Variants in STAT3 observed in about 807,000 individuals in gnomAD.
STAT3 encodes DNA-binding protein APRF.
Under a neutral mutation model 114.3 loss-of-function variants are expected in STAT3, and 7 were observed. The ratio of observed to expected loss-of-function variants is 0.06; its 90% CI spans 0.03 to 0.11. The LOEUF (loss-of-function observed/expected upper bound fraction) is 0.11, where lower values mean the gene tolerates loss of function less well. Among genes scored for constraint, STAT3 ranks in the 10% least tolerant of loss-of-function variants. The pLI is 1.00. For synonymous variants in STAT3, 331 were observed against 354.5 expected (o/e 0.93, Z 0.74); for missense variants, 364 against 960.9 (o/e 0.38, Z 8.21).
intron 4 of STAT3, among the ~76,000 whole-genome samples, chr17:42,340,305 A>G (rs1276801512): frequency 3.3e-5 from 5 of 150,910 alleles, no homozygotes; most frequent in African/African-American, 1.2e-4. Context: ...GTGGTGAGCC[A>G]AGACTGCGCC....
intron 1 of STAT3, among the ~76,000 whole-genome samples, chr17:42,373,422 G>A (rs772658832): frequency 2.6e-5 from 4 of 151,914 alleles, no homozygotes; most frequent in Non-Finnish European, 4.4e-5. Context: ...TATGGTGGCA[G>A]GCACCTGTAA....
intron 1 of STAT3, among the ~76,000 whole-genome samples, chr17:42,386,459 T>C (rs1056151977): frequency 6.6e-6 from 1 of 152,116 alleles, no homozygotes; most frequent in Admixed American, 6.6e-5. Flanking sequence ...CACAAGTCCT[T>C]TGTGGGTTAA....
intron 1 of STAT3, among the ~76,000 whole-genome samples, chr17:42,359,384 G>A (rs1351660356): frequency 6.6e-6 from 1 of 152,046 alleles, no homozygotes; most frequent in Non-Finnish European, 1.5e-5. Context: ...TTATCATATC[G>A]GGAGGGAAGG....
At chr17:42,321,772 TC>T (rs1162812359) in intron 21 of STAT3, among the ~76,000 whole-genome samples, 2 of 152,210 alleles carry the variant, frequency 1.3e-5, no homozygotes, top group Non-Finnish European at 2.9e-5. Context: ...GCCCTCACTT[TC>T]CCTTCTCGTG....
chr17:42,348,862 C>T (rs1381897216), intron 1 of STAT3, among the ~76,000 whole-genome samples: 1 of 151,992 alleles, frequency 6.6e-6, no homozygotes, highest in Non-Finnish European at 1.5e-5. Flanking sequence ...AACACATTCA[C>T]AATCCCCACC....
At chr17:42,323,209 T>G (rs962893517) in intron 19 of STAT3, 51 bp downstream of exon 19, 11 of 1,613,982 alleles carry the variant, frequency 6.8e-6, no homozygotes, top group Non-Finnish European at 9.3e-6. Flanking sequence ...GCCACTGGCT[T>G]GCTGAGAGCA....
intron 1 of STAT3, among the ~76,000 whole-genome samples, chr17:42,375,216 C>T (rs1344903024): frequency 2.0e-5 from 3 of 152,156 alleles, no homozygotes; most frequent in Admixed American, 6.6e-5. Context: ...TTCCACTTAC[C>T]TTTATCTCTA....
Position 42,315,796 on chromosome 17 carries a change from G to A in STAT3, c.2262C>T (p.Ser754=). 1.9e-6 allele frequency: 3 copies of A among 1,614,016 alleles called. No individual in the cohort carries two copies. The highest frequency in any genetic ancestry group is 2.5e-6 in the Non-Finnish European group (3 of 1,180,002). The change falls in exon 24 of 24, where the codon TCC becomes TCT. Residue 754 remains serine, a synonymous_variant. Transcript: ENST00000264657. ...AGGTCAACTCCATGTCAAAGGTGAG[G>A]GACTCTGGAGGGACAGACAGGGAAA... ...AEPSAGGQFE[S]LTFDMELTSE... is the part of the protein sequence containing the mutation.
At chr17:42,358,278 AG>A (rs1396153901) in intron 1 of STAT3, among the ~76,000 whole-genome samples, 32 of 151,992 alleles carry the variant, frequency 2.1e-4, no homozygotes, top group Admixed American at 1.5e-3. Flanking sequence ...AAATTAGCCT[AG>A]CATGGTGGCC....
At chr17:42,320,117 C>T (rs560977731) in intron 21 of STAT3, among the ~76,000 whole-genome samples, 116 of 152,236 alleles carry the variant, frequency 7.6e-4, no homozygotes, top group African/African-American at 2.6e-3. Context: ...AACAAAGAGC[C>T]GTGTGGCAGG....
intron 8 of STAT3, among the ~76,000 whole-genome samples, chr17:42,334,416 A>G (rs2082143472): frequency 6.8e-6 from 1 of 148,054 alleles, no homozygotes; most frequent in Admixed American, 6.8e-5. Flanking sequence ...GAGAGATTAC[A>G]GGTGTAAGCC....
At chr17:42,382,836 C>T (rs938827382) in intron 1 of STAT3, among the ~76,000 whole-genome samples, 2 of 151,454 alleles carry the variant, frequency 1.3e-5, no homozygotes. Flanking sequence ...TTAGTAGAGG[C>T]GGAGTTTCAC....
chr17:42,319,839 C>A (rs1195316105), intron 21 of STAT3, among the ~76,000 whole-genome samples: 1 of 152,180 alleles, frequency 6.6e-6, no homozygotes, highest in African/African-American at 2.4e-5. Flanking sequence ...CACCCCCACA[C>A]CCGTCACCAC....
At chr17:42,332,332 G>A (rs1331458615) in intron 10 of STAT3, among the ~76,000 whole-genome samples, 3 of 150,804 alleles carry the variant, frequency 2.0e-5, no homozygotes. Context: ...AAGGTCAGGA[G>A]TTCGAGACCA....
intron 1 of STAT3, among the ~76,000 whole-genome samples, chr17:42,375,754 G>A (rs923847721): frequency 2.0e-5 from 3 of 151,774 alleles, no homozygotes; most frequent in East Asian, 3.9e-4. Flanking sequence ...ACTTGAATTC[G>A]GGAGGCGGAG....
intron 1 of STAT3, among the ~76,000 whole-genome samples, chr17:42,366,362 T>C (rs1274533807): frequency 1.4e-5 from 2 of 139,170 alleles, no homozygotes; most frequent in Non-Finnish European, 3.2e-5. Context: ...ACAAATCCTG[T>C]TGGCTCTGTC....
chr17:42,337,703 C>A lies in STAT3; in HGVS notation c.645+60G>T. The A allele has an allele frequency of 6.2e-7, 1 of 1,613,448 alleles. No homozygotes were observed. The highest frequency in any genetic ancestry group is 8.5e-7 in the Non-Finnish European group (1 of 1,179,402). ...AAACCAAGCAAGTTCTGCCACAAGA[C>A]GCTGAAATCCCGCAAGTGAGCGAGA... On this transcript the variant is annotated intron_variant, in intron 7 of 23. Coordinates refer to ENST00000264657, the MANE Select transcript of STAT3 (RefSeq NM_139276.3). This position sits in a 1 kb window ranked among gnomAD's most constrained non-coding sequence, Gnocchi z 4.0.
At position 42,333,876 on chromosome 17, in the gene STAT3, A is replaced by G. The variant is rs761001835; in HGVS notation, c.956+15T>C. 1 of 1,614,084 alleles carries G rather than the reference A, an allele frequency of 6.2e-7. No individual in the cohort carries two copies. The highest frequency in any genetic ancestry group is 1.3e-5 in the African/African-American group (1 of 74,938). Reference sequence around the variant, plus strand: ...ATTTTTTAGATGAGGGAAAGGGACAAGGATGCTAAATTACCTTTTCATTAA... The same window carrying G: ...ATTTTTTAGATGAGGGAAAGGGACAGGGATGCTAAATTACCTTTTCATTAA... On this transcript the variant is annotated intron_variant, in intron 9 of 23. Coordinates refer to ENST00000264657, the MANE Select transcript of STAT3 (RefSeq NM_139276.3). This position sits in a 1 kb window ranked among gnomAD's most constrained non-coding sequence, Gnocchi z 5.2.
Position 42,313,402 on chromosome 17 carries a change from GAC to G in STAT3, c.*2341_*2342del, listed in dbSNP as rs2081144607. 1 of 125,048 alleles carries G rather than the reference GAC, an allele frequency of 8.0e-6. No individual in the cohort carries two copies. 7.7% of individuals were successfully genotyped at this position (125,048 alleles called of 1,614,324 possible). ...ACCAAAAAAAAAAAAAAAAAAAAAAGACAAAAAACCTCACAATAATATAAATT... is the reference window on the plus strand; with the variant it reads ...ACCAAAAAAAAAAAAAAAAAAAAAAGAAAAAACCTCACAATAATATAAATT... On this transcript the variant is annotated 3_prime_UTR_variant, in exon 24 of 24. Coordinates refer to ENST00000264657, the MANE Select transcript of STAT3 (RefSeq NM_139276.3).
Sources: allele counts gnomAD v4.1 joint callset (sites outside exome capture counted in the v4.1 genomes callset), GRCh38; gene constraint gnomAD v4.1.1; non-coding constraint Gnocchi (gnomAD v3.1); transcripts MANE v1.5; gene names NCBI Gene and HGNC (gene_info 2026-07-23, HGNC 2026-07-21).